Variants in ZRANB3 observed in about 807,000 individuals in gnomAD.
ZRANB3 encodes zinc finger RANBP2-type containing 3, also known as DNA annealing helicase and endonuclease ZRANB3.
Under a neutral mutation model 133.8 loss-of-function variants are expected in ZRANB3, and 125 were observed. That is an observed-to-expected ratio of 0.93 (90% confidence interval 0.81 to 1.08). ZRANB3 has a LOEUF of 1.08. ZRANB3 is among the 50% of genes least tolerant of loss of function. The probability of loss-of-function intolerance (pLI) is 0.00; values close to 1 mark genes in which losing one functional copy is unlikely to be tolerated. For missense variants in ZRANB3, 1,229 were observed against 1,275.5 expected (o/e 0.96, Z 0.56); for synonymous variants, 387 against 432.7 (o/e 0.89, Z 1.31).
chr2:135,246,619 GA>G (rs1274392324), intron 12 of ZRANB3, among the ~76,000 whole-genome samples: 2 of 152,172 alleles, frequency 1.3e-5, no homozygotes, highest in African/African-American at 4.8e-5. Context: ...AAGCTTATGA[GA>G]AAAATATAAT....
At position 135,501,170 on chromosome 2, in the gene ZRANB3, T is replaced by C. The variant is rs994936305; in HGVS notation, c.161+3159A>G. The stretch of plus-strand genomic sequence containing the variant: ...AGATGATGCACAAAGGAACAAAAAT[T>C]AGACTGATTTTTTTTTATTTTGAAA... On this transcript the variant is annotated intron_variant, in intron 2 of 20. Coordinates refer to ENST00000264159, the MANE Select transcript of ZRANB3 (RefSeq NM_032143.4). Among the ~76,000 whole-genome samples the C allele has an allele frequency of 6.6e-5, 10 of 152,140 alleles. No homozygotes were observed. The South Asian group carries it at 2.1e-3, about 32-fold the overall frequency.
chr2:135,315,450 AT>A lies in ZRANB3; in HGVS notation c.757del (p.Met253Ter). On this transcript the variant is annotated frameshift_variant, in exon 7 of 21. Coordinates refer to ENST00000264159, the MANE Select transcript of ZRANB3 (RefSeq NM_032143.4). LOFTEE classifies it high-confidence loss of function. ...NELHQLLSDI[M>X]IRRLKTEVLT... The stretch of plus-strand genomic sequence containing the variant: ...AACTTCAGTCTTTAATCTTCTAATC[AT>A]TATGTCACTTAATAGCTGGTGAAGT... 1 of 1,601,570 alleles carries A rather than the reference AT, an allele frequency of 6.2e-7. No individual in the cohort carries two copies. The highest frequency in any genetic ancestry group is 1.1e-5 in the South Asian group (1 of 88,238).
intron 9 of ZRANB3, among the ~76,000 whole-genome samples, chr2:135,272,815 C>T (rs1291065724): frequency 6.6e-6 from 1 of 152,018 alleles, no homozygotes; most frequent in Non-Finnish European, 1.5e-5. Context: ...AAGTGTTAAA[C>T]CGAACATTGT....
intron 2 of ZRANB3, among the ~76,000 whole-genome samples, chr2:135,423,332 G>A (rs572509476): frequency 6.8e-4 from 103 of 152,292 alleles, no homozygotes; most frequent in African/African-American, 2.4e-3. Flanking sequence ...TACTAGGGAG[G>A]CTAACACAGG....
chr2:135,369,609 A>C (rs183752921), intron 3 of ZRANB3, among the ~76,000 whole-genome samples: 1 of 152,306 alleles, frequency 6.6e-6, no homozygotes, highest in Admixed American at 6.5e-5. Context: ...GTTTTTTACA[A>C]ATAAAATATT....
intron 2 of ZRANB3, among the ~76,000 whole-genome samples, chr2:135,411,251 C>T (rs1452311941): frequency 6.6e-6 from 1 of 151,806 alleles, no homozygotes; most frequent in Admixed American, 6.6e-5. Context: ...AAAAAGAAAA[C>T]ATATATAACA....
At chr2:135,518,305 T>C (rs942005106) in intron 1 of ZRANB3, among the ~76,000 whole-genome samples, 2 of 152,054 alleles carry the variant, frequency 1.3e-5, no homozygotes, top group African/African-American at 2.4e-5. Context: ...CACTGTGGTA[T>C]GAAAAAAACT....
intron 1 of ZRANB3, among the ~76,000 whole-genome samples, chr2:135,515,118 C>A (rs569693726): frequency 6.6e-6 from 1 of 152,072 alleles, no homozygotes; most frequent in Admixed American, 6.5e-5. Context: ...GTGTCTCTGC[C>A]AGGTTTTGGT....
At chr2:135,529,719 TG>T (rs1428655408) in intron 1 of ZRANB3, among the ~76,000 whole-genome samples, 1 of 151,714 alleles carries the variant, frequency 6.6e-6, no homozygotes, top group South Asian at 2.1e-4. Context: ...TTCACCATGT[TG>T]CCCAGGCTGG....
At position 135,277,933 on chromosome 2, in the gene ZRANB3, C is replaced by CAA. The variant is rs367859811; in HGVS notation, c.967-2180_967-2179dup. ...GTGAGACTCTGTCTCAAAAAAAAAA[C>CAA]AAAAAAAAAAAACAAATATAAAATG... On this transcript the variant is annotated intron_variant, in intron 8 of 20. Coordinates refer to ENST00000264159, the MANE Select transcript of ZRANB3 (RefSeq NM_032143.4). Among the ~76,000 whole-genome samples, 93 of 115,710 alleles carry CAA rather than the reference C, an allele frequency of 8.0e-4. 1 individual carries two copies. Among genetic ancestry groups the CAA allele is most frequent in the Middle Eastern group, 3.9e-3 (1 of 256 alleles). The allele number at this position is 115,710 out of a possible 152,430, so 75.9% of individuals were successfully genotyped here.
At chr2:135,416,208 C>T (rs922622751) in intron 2 of ZRANB3, among the ~76,000 whole-genome samples, 1 of 151,454 alleles carries the variant, frequency 6.6e-6, no homozygotes, top group Non-Finnish European at 1.5e-5. Flanking sequence ...TCTAGAAAAC[C>T]CCATCGTCTC....
chr2:135,473,471 AC>A (rs1691368025), intron 2 of ZRANB3, among the ~76,000 whole-genome samples: 2 of 152,254 alleles, frequency 1.3e-5, no homozygotes, highest in African/African-American at 4.8e-5. Flanking sequence ...CTTTATAAGT[AC>A]TAAGTAGCAG....
rs996625425 is a variant in ZRANB3, at chr2:135,322,244, C to T, written c.678-6714G>A. Among the ~76,000 whole-genome samples the T allele has an allele frequency of 8.5e-5, 13 of 152,148 alleles. No individual in the cohort carries two copies. The South Asian group carries it at 1.5e-3, about 17-fold the overall frequency. Reference sequence around the variant, plus strand: ...TGATTTACATGTGTCTCCTGATTGACGACTGTAAAGAAAAATAGTGTGAAT... The same window carrying T: ...TGATTTACATGTGTCTCCTGATTGATGACTGTAAAGAAAAATAGTGTGAAT... On this transcript the variant is annotated intron_variant, in intron 6 of 20. Transcript: ENST00000264159.
chr2:135,242,486 T>C (rs929811408), intron 12 of ZRANB3, among the ~76,000 whole-genome samples: 7 of 151,376 alleles, frequency 4.6e-5, no homozygotes, highest in African/African-American at 1.7e-4. Context: ...AGATGGGGTC[T>C]CAGTGTTACC....
chr2:135,518,549 G>A (rs1452978467), intron 1 of ZRANB3, among the ~76,000 whole-genome samples: 3 of 152,132 alleles, frequency 2.0e-5, no homozygotes, highest in Non-Finnish European at 4.4e-5. Flanking sequence ...ATGAGGAAAC[G>A]CCCCACCCTG....
intron 8 of ZRANB3, among the ~76,000 whole-genome samples, chr2:135,296,618 G>C (rs1476146437): frequency 2.6e-5 from 4 of 152,136 alleles, no homozygotes; most frequent in Non-Finnish European, 4.4e-5. Flanking sequence ...TTCTGTTGCT[G>C]GTGAGGAGCT....
At chr2:135,276,234 G>GTT (rs79341754) in intron 8 of ZRANB3, among the ~76,000 whole-genome samples, 79 of 128,854 alleles carry the variant, frequency 6.1e-4, no homozygotes, top group African/African-American at 1.4e-3. Flanking sequence ...TTTAAGGAAA[G>GTT]TTTTTTTTTT....
chr2:135,255,618 G>A (rs1382710083), intron 12 of ZRANB3, among the ~76,000 whole-genome samples: 2 of 152,162 alleles, frequency 1.3e-5, no homozygotes, highest in Non-Finnish European at 2.9e-5. Flanking sequence ...TAAGGTTGAG[G>A]CAAGAGGACT....
At chr2:135,248,734 T>C (rs547056192) in intron 12 of ZRANB3, among the ~76,000 whole-genome samples, 2 of 152,230 alleles carry the variant, frequency 1.3e-5, no homozygotes, top group South Asian at 4.1e-4. Flanking sequence ...TGTGAAACCC[T>C]ATCCTTACAA....
Sources: gnomAD v4.1 joint callset for allele counts (sites outside exome capture counted in the v4.1 genomes callset) on GRCh38, gnomAD v4.1.1 for gene constraint, MANE v1.5 for transcripts, NCBI Gene and HGNC (gene_info 2026-07-23, HGNC 2026-07-21) for gene names.